Variants in CENPO observed in about 807,000 individuals in gnomAD.
The protein encoded by CENPO is centromeric protein O.
CENPO carries 30 observed loss-of-function variants against 36.1 expected under a neutral mutation model. The observed-to-expected ratio is 0.83, with a 90% confidence interval of 0.62 to 1.13. The LOEUF is 1.13. Ranked by LOEUF, CENPO falls within the 50% of genes most tolerant of loss-of-function variation. The pLI is 0.00. For synonymous variants in CENPO, 171 were observed against 142.3 expected, an observed-to-expected ratio of 1.20 and a Z score of -1.44; for missense variants, 349 against 357.8, an observed-to-expected ratio of 0.98 and a Z score of 0.20.
intron 2 of CENPO, among the ~76,000 whole-genome samples, chr2:24,798,827 T>C (rs1666030783): frequency 6.6e-6 from 1 of 151,992 alleles, no homozygotes; most frequent in Admixed American, 6.6e-5. Flanking sequence ...CTAGTCTTAA[T>C]TGGATAGGTG....
intron 3 of CENPO, among the ~76,000 whole-genome samples, chr2:24,809,582 C>A (rs550161553): frequency 3.8e-4 from 57 of 151,166 alleles, no homozygotes; most frequent in African/African-American, 1.3e-3. Context: ...TCCTTTTATA[C>A]CCCACAAGTT....
chr2:24,802,123 CTGTT>C (rs560797636), intron 3 of CENPO, among the ~76,000 whole-genome samples: 70 of 152,228 alleles, frequency 4.6e-4, no homozygotes, highest in African/African-American at 1.7e-3. Context: ...ATTTGGCTCT[CTGTT>C]TGTCTGTTAT....
intron 2 of CENPO, among the ~76,000 whole-genome samples, chr2:24,795,240 G>A (rs1665840068): frequency 6.6e-6 from 1 of 152,056 alleles, no homozygotes; most frequent in South Asian, 2.1e-4. Context: ...TAAACACTTA[G>A]CTGTTACCCA....
At chr2:24,797,955 C>T (rs753934194) in intron 2 of CENPO, among the ~76,000 whole-genome samples, 6 of 152,134 alleles carry the variant, frequency 3.9e-5, no homozygotes, top group Non-Finnish European at 7.3e-5. Context: ...AAGTTGAGCA[C>T]TGAAGATCCA....
intron 3 of CENPO, among the ~76,000 whole-genome samples, chr2:24,807,690 T>C (rs981481898): frequency 4.6e-5 from 7 of 152,248 alleles, no homozygotes; most frequent in African/African-American, 1.7e-4. Context: ...AGGATATGCA[T>C]GTTAGGTTTA....
At chr2:24,809,148 A>C (rs1480561441) in intron 3 of CENPO, among the ~76,000 whole-genome samples, 2 of 152,146 alleles carry the variant, frequency 1.3e-5, no homozygotes, top group Non-Finnish European at 2.9e-5. Context: ...AAAACAACCT[A>C]CTGTCTTGTG....
In CENPO at chr2:24,793,457, T is replaced by A. The variant is rs778858550; in HGVS notation, c.-113T>A. 10 of 1,605,282 alleles carry A rather than the reference T, an allele frequency of 6.2e-6. No individual in the cohort carries two copies. In the African/African-American group the frequency reaches 1.3e-4, roughly 21 times the overall value. On this transcript the variant is annotated 5_prime_UTR_variant, in exon 1 of 8. Coordinates refer to ENST00000380834, the MANE Select transcript of CENPO (RefSeq NM_001322101.2). Reference sequence around the variant, plus strand: ...CAAAGCACGCCGGGACCGGTTGGTTTGGTTTTGAAGACGTGGATGGCGGGA... The same window carrying A: ...CAAAGCACGCCGGGACCGGTTGGTTAGGTTTTGAAGACGTGGATGGCGGGA...
At position 24,817,727 on chromosome 2, in the gene CENPO, T is replaced by C; in HGVS notation, c.824T>C (p.Phe275Ser). ...EEQRASHETL[F>S]CTKPLHQVFA... ...CAACGAGCATCTCATGAAACTCTGT[T>C]CTGTACGAAGCCCTTGCATCAAGTG... The change falls in exon 7 of 8, where the codon TTC becomes TCC. Residue 275 changes from phenylalanine to serine, a missense_variant. Coordinates refer to ENST00000380834, the MANE Select transcript of CENPO (RefSeq NM_001322101.2). The C allele has an allele frequency of 6.2e-7, 1 of 1,614,216 alleles. No homozygotes were observed.
In CENPO at chr2:24,798,975, C is replaced by CTTTTTTTT. The variant is rs70947846; in HGVS notation, c.47-680_47-673dup. ...TCGATTAAATAAAGTCTGGGGCTTC[C>CTTTTTTTT]TTTTTTTTTTTTTTTTTTTTTTTTT... On this transcript the variant is annotated intron_variant, in intron 2 of 7. Coordinates refer to ENST00000380834, the MANE Select transcript of CENPO (RefSeq NM_001322101.2). Among the ~76,000 whole-genome samples the CTTTTTTTT allele has an allele frequency of 1.1e-4, 13 of 114,534 alleles. 1 individual carries two copies. Among genetic ancestry groups the CTTTTTTTT allele is most frequent in the African/African-American group, 5.1e-4 (13 of 25,308 alleles). 75.1% of individuals were successfully genotyped at this position (114,534 alleles called of 152,430 possible). A position where few individuals can be genotyped will look rare whatever the true frequency, so the allele number is the denominator to read the frequency against.
chr2:24,821,002 A>C lies in CENPO; in HGVS notation c.*1684A>C, dbSNP rs1667578085. 5 of 1,082,608 alleles carry C rather than the reference A, an allele frequency of 4.6e-6. No homozygotes were observed. Among genetic ancestry groups the C allele is most frequent in the South Asian group, 1.7e-5 (1 of 60,390 alleles). The allele number at this position is 1,082,608 out of a possible 1,614,324, so 67.1% of individuals were successfully genotyped here. A position where few individuals can be genotyped will look rare whatever the true frequency, so the allele number is the denominator to read the frequency against. On this transcript the variant is annotated 3_prime_UTR_variant, in exon 8 of 8. Transcript: ENST00000380834. ...GGCTGTATGCTATTGGAGGGTGGAA[A>C]TCACATCTCCTGTTTATCCGTGTGC... is the stretch of plus-strand genomic sequence containing the variant.
chr2:24,797,213 G>C (rs1428333152), intron 2 of CENPO, among the ~76,000 whole-genome samples: 2 of 152,182 alleles, frequency 1.3e-5, no homozygotes, highest in African/African-American at 4.8e-5. Context: ...GATTGGGACT[G>C]GGTCAGGGAG....
chr2:24,822,197 T>A lies in CENPO; in HGVS notation c.*2879T>A, dbSNP rs1353113307. On this transcript the variant is annotated 3_prime_UTR_variant, in exon 8 of 8. Coordinates refer to ENST00000380834, the MANE Select transcript of CENPO (RefSeq NM_001322101.2). ...CCGTCAGCCAGAGTTCTGAAGGCCATGCTTTCAGTTTCCCTTGTTGACAAT... is the reference window on the plus strand; with the variant it reads ...CCGTCAGCCAGAGTTCTGAAGGCCAAGCTTTCAGTTTCCCTTGTTGACAAT... 1 of 238,062 alleles carries A rather than the reference T, an allele frequency of 4.2e-6. No individual in the cohort carries two copies. The highest frequency in any genetic ancestry group is 2.2e-5 in the African/African-American group (1 of 44,636). 14.7% of individuals were successfully genotyped at this position (238,062 alleles called of 1,614,324 possible).
intron 3 of CENPO, among the ~76,000 whole-genome samples, chr2:24,802,230 G>A (rs1203645101): frequency 6.6e-6 from 1 of 152,118 alleles, no homozygotes; most frequent in Non-Finnish European, 1.5e-5. Flanking sequence ...ATTTTGGGCT[G>A]AGACAATGGG....
intron 3 of CENPO, among the ~76,000 whole-genome samples, chr2:24,803,959 A>G (rs1229425167): frequency 2.0e-5 from 3 of 151,870 alleles, no homozygotes; most frequent in Non-Finnish European, 4.4e-5. Flanking sequence ...ACTGTGTGGG[A>G]GTCTAAGTCT....
chr2:24,808,357 C>T (rs1054935606), intron 3 of CENPO, among the ~76,000 whole-genome samples: 9 of 151,932 alleles, frequency 5.9e-5, no homozygotes, highest in Non-Finnish European at 1.2e-4. Flanking sequence ...TACAGGCATG[C>T]GCCCAGCTAA....
chr2:24,805,778 C>A (rs908160235), intron 3 of CENPO, among the ~76,000 whole-genome samples: 3 of 152,302 alleles, frequency 2.0e-5, no homozygotes, highest in African/African-American at 7.2e-5. Context: ...GGTCAGGGAC[C>A]CACTTGAGGA....
intron 1 of CENPO, 34 bp downstream of exon 1, chr2:24,793,535 C>T: frequency 1.3e-6 from 2 of 1,546,484 alleles, no homozygotes; most frequent in Non-Finnish European, 8.7e-7. Context: ...GGGAAAGACC[C>T]ATTGTCGGAC....
rs1667663218 is a variant in CENPO at position 24,821,301 on chromosome 2, A to G, written c.*1983A>G. The G allele has an allele frequency of 8.3e-6, 5 of 605,168 alleles. No homozygotes were observed. Among genetic ancestry groups the G allele is most frequent in the Non-Finnish European group, 1.4e-5 (5 of 358,326 alleles). The allele number at this position is 605,168 out of a possible 1,614,324, so 37.5% of individuals were successfully genotyped here. ...AAGCTTCTATTGTAACAGTAGGCACAGTATAGTCGGATCATCACATCAGCT... is the reference window on the plus strand; with the variant it reads ...AAGCTTCTATTGTAACAGTAGGCACGGTATAGTCGGATCATCACATCAGCT... On this transcript the variant is annotated 3_prime_UTR_variant, in exon 8 of 8. Coordinates refer to ENST00000380834, the MANE Select transcript of CENPO (RefSeq NM_001322101.2).
At position 24,800,399 on chromosome 2, in the gene CENPO, A is replaced by G. The variant is rs529262637; in HGVS notation, c.216+555A>G. Among the ~76,000 whole-genome samples the G allele has an allele frequency of 2.0e-5, 3 of 152,296 alleles. No homozygotes were observed. In the South Asian group the frequency reaches 6.2e-4, roughly 32 times the overall value. ...GTGTAGGTTTGTTACATATGTATAC[A>G]TGTGCCATGTTGGTGTGCTGCGCCC... On this transcript the variant is annotated intron_variant, in intron 3 of 7. Coordinates refer to ENST00000380834, the MANE Select transcript of CENPO (RefSeq NM_001322101.2).
Sources: gnomAD v4.1 joint callset for allele counts (sites outside exome capture counted in the v4.1 genomes callset) on GRCh38, gnomAD v4.1.1 for gene constraint, MANE v1.5 for transcripts, NCBI Gene and HGNC (gene_info 2026-07-23, HGNC 2026-07-21) for gene names.